The following GLB1L3 variants were observed in gnomAD, a reference collection of about 807,000 sequenced individuals.
GLB1L3 encodes the protein galactosidase beta 1 like 3, also known as beta-galactosidase-1-like protein 3.
A neutral mutation model predicts 89.5 loss-of-function variants in GLB1L3; 89 were observed. The observed-to-expected ratio is 0.99, with a 90% CI of 0.84 to 1.19. The LOEUF (loss-of-function observed/expected upper bound fraction) is 1.19. Ranked by LOEUF, GLB1L3 falls within the 50% of genes most tolerant of loss-of-function variation. GLB1L3 has a pLI of 0.00. For synonymous variants in GLB1L3, 314 were observed against 312.3 expected (o/e 1.01, Z -0.06); for missense variants, 812 against 813.3 (o/e 1.00, Z 0.02).
At chr11:134,279,210 G>T (rs1212495425) in intron 3 of GLB1L3, among the ~76,000 whole-genome samples, 1 of 152,062 alleles carries the variant, frequency 6.6e-6, no homozygotes, top group Non-Finnish European at 1.5e-5. Flanking sequence ...TGTAAACTCT[G>T]TGACTACTAT....
Position 134,276,575 on chromosome 11 carries a change from G to T in GLB1L3, c.-166G>T. 3.5e-6 allele frequency: 2 copies of T among 564,492 alleles called. No homozygotes were observed. The highest frequency in any genetic ancestry group is 7.7e-5 in the South Asian group (1 of 13,070). 35.0% of individuals were successfully genotyped at this position (564,492 alleles called of 1,614,324 possible). On this transcript the variant is annotated 5_prime_UTR_variant, in exon 1 of 20. Transcript: ENST00000431683. ...ACGCGCATCCTTGGGACCCGGACCC[G>T]GCGCCCGCGCCTCGGGACGGATTTC... is the stretch of plus-strand genomic sequence containing the variant.
At chr11:134,310,784 T>A in intron 12 of GLB1L3, 133 bp downstream of exon 12, 1 of 684,056 alleles carries the variant, frequency 1.5e-6, no homozygotes, top group African/African-American at 1.8e-5. Context: ...AGGGCAACCT[T>A]AACTTCGAAC....
At chr11:134,305,209 G>A (rs1230901826) in intron 9 of GLB1L3, 3 of 1,008,558 alleles carry the variant, frequency 3.0e-6, no homozygotes, top group South Asian at 2.7e-5. Context: ...CCATAATTTT[G>A]TCCTTCTAAG....
intron 9 of GLB1L3, among the ~76,000 whole-genome samples, chr11:134,301,308 C>T (rs1591566550): frequency 6.6e-6 from 1 of 152,166 alleles, no homozygotes; most frequent in Non-Finnish European, 1.5e-5. Context: ...GTTTTTCCCA[C>T]TGCTATATCT....
At chr11:134,295,801 G>A (rs1941602367) in intron 9 of GLB1L3, among the ~76,000 whole-genome samples, 1 of 152,180 alleles carries the variant, frequency 6.6e-6, no homozygotes, top group South Asian at 2.1e-4. Context: ...ATTTTGATGG[G>A]CTGTGTTTTC....
In GLB1L3 at chr11:134,288,911, C is replaced by T. The variant is rs745526740; in HGVS notation, c.729+21C>T. The stretch of plus-strand genomic sequence containing the variant: ...ACAAGGTAAGAGGGCCTTGGTTTGG[C>T]CCCATGTTTACATGCCTCCTTCCTC... On this transcript the variant is annotated intron_variant, in intron 7 of 19. Coordinates refer to ENST00000431683, the MANE Select transcript of GLB1L3 (RefSeq NM_001080407.3). The T allele has an allele frequency of 1.6e-5, 25 of 1,554,908 alleles. No homozygotes were observed. The East Asian group carries it at 4.3e-4, about 27-fold the overall frequency.
At chr11:134,278,354 A>G (rs1940493910) in intron 3 of GLB1L3, among the ~76,000 whole-genome samples, 1 of 151,918 alleles carries the variant, frequency 6.6e-6, no homozygotes, top group African/African-American at 2.4e-5. Context: ...GCCCGATCTT[A>G]GCTCACGGCA....
intron 18 of GLB1L3, among the ~76,000 whole-genome samples, chr11:134,314,918 A>G (rs894414482): frequency 6.6e-6 from 1 of 152,206 alleles, no homozygotes; most frequent in Non-Finnish European, 1.5e-5. Context: ...CACATAGATA[A>G]CATAAATGTA....
intron 6 of GLB1L3, among the ~76,000 whole-genome samples, chr11:134,285,959 A>G (rs959889784): frequency 2.2e-5 from 3 of 136,620 alleles, no homozygotes; most frequent in African/African-American, 2.8e-5. Context: ...CCCAGGCTGG[A>G]GTACAGTTGT....
chr11:134,301,489 G>C (rs1335622530), intron 9 of GLB1L3, among the ~76,000 whole-genome samples: 2 of 151,984 alleles, frequency 1.3e-5, no homozygotes, highest in East Asian at 1.9e-4. Flanking sequence ...TTTCATTTCT[G>C]ATCTTAATTA....
intron 2 of GLB1L3, 24 bp from the exon 3 acceptor site, chr11:134,277,676 C>T: frequency 6.3e-7 from 1 of 1,585,862 alleles, no homozygotes. Context: ...TTTCCACTTT[C>T]TTTCCCTCGC....
chr11:134,279,429 C>T (rs868221918), intron 3 of GLB1L3, among the ~76,000 whole-genome samples: 2 of 140,812 alleles, frequency 1.4e-5, no homozygotes, highest in African/African-American at 2.7e-5. Context: ...TGCAGTGGCG[C>T]GATCTCTGCT....
Position 134,319,215 on chromosome 11 carries a change from A to C in GLB1L3, c.*273A>C. 2.9e-6 allele frequency: 1 copy of C among 342,846 alleles called. No individual in the cohort carries two copies. Among genetic ancestry groups the C allele is most frequent in the South Asian group, 4.7e-5 (1 of 21,328 alleles). The allele number at this position is 342,846 out of a possible 1,614,324, so 21.2% of individuals were successfully genotyped here. On this transcript the variant is annotated 3_prime_UTR_variant, in exon 20 of 20. Coordinates refer to ENST00000431683, the MANE Select transcript of GLB1L3 (RefSeq NM_001080407.3). ...GTGATCTGCTCTCCTCAGCCTCCCA[A>C]AGTACTGGGATTACAGGCGTGAGCC...
At chr11:134,283,626 G>C (rs1180393083) in intron 5 of GLB1L3, 111 bp from the exon 6 acceptor site, 1 of 619,210 alleles carries the variant, frequency 1.6e-6, no homozygotes, top group Non-Finnish European at 2.9e-6. Context: ...CCGGGACCGG[G>C]GGTGTGAGGC....
intron 5 of GLB1L3, 37 bp from the exon 6 acceptor site, chr11:134,283,700 C>T (rs776187224): frequency 1.6e-6 from 2 of 1,258,324 alleles, no homozygotes; most frequent in South Asian, 1.3e-5. Flanking sequence ...CTCTCCCAAC[C>T]CGTCTCAGAC....
intron 9 of GLB1L3, among the ~76,000 whole-genome samples, chr11:134,297,784 C>G (rs1301551959): frequency 7.0e-6 from 1 of 143,102 alleles, no homozygotes; most frequent in Non-Finnish European, 1.5e-5. Context: ...CGCTTGAACC[C>G]AGGAGGTGGA....
intron 9 of GLB1L3, among the ~76,000 whole-genome samples, chr11:134,301,580 GTC>G (rs1941952800): frequency 6.6e-6 from 1 of 151,468 alleles, no homozygotes; most frequent in Non-Finnish European, 1.5e-5. Context: ...TTTTTAAGTT[GTC>G]TCTATTGCAA....
rs1340375536 is a variant in GLB1L3 at position 134,277,387 on chromosome 11, T to A, written c.85T>A (p.Phe29Ile). Residue 29 changes from phenylalanine (F) to isoleucine (I), a missense_variant, in exon 2 of 20, where the codon TTT (phenylalanine) becomes ATT (isoleucine). By Grantham distance (21) the Phe-to-Ile change is conservative (BLOSUM62 0). Coordinates refer to ENST00000431683, the MANE Select transcript of GLB1L3 (RefSeq NM_001080407.3). ...IFFLPFISSG[F>I]APRFKQEENF... ...TTTCCTGCCATTTATCTCATCAGGT[T>A]TTGCTCCTCGGTTTAAGCAGGAAGA... The A allele has an allele frequency of 1.9e-6, 3 of 1,613,818 alleles. No homozygotes were observed. In the African/African-American group the frequency reaches 4.0e-5, roughly 22 times the overall value.
At chr11:134,321,590 T>TA (rs1272025697), downstream of GLB1L3, among the ~76,000 whole-genome samples, 1 of 151,952 alleles carries the variant, frequency 6.6e-6, no homozygotes, top group Non-Finnish European at 1.5e-5. Context: ...TATGCAGCCA[T>TA]AAAAAAGGAG....
Sources: allele counts gnomAD v4.1 joint callset (sites outside exome capture counted in the v4.1 genomes callset), GRCh38; gene constraint gnomAD v4.1.1; transcripts MANE v1.5; gene names NCBI Gene and HGNC (gene_info 2026-07-23, HGNC 2026-07-21).